Variants in CNTN4 observed in about 807,000 individuals in gnomAD.
CNTN4 encodes contactin 4.
A neutral mutation model predicts 122.5 loss-of-function variants in CNTN4; 77 were observed. The ratio of observed to expected loss-of-function variants is 0.63; its 90% CI spans 0.52 to 0.76. The LOEUF (loss-of-function observed/expected upper bound fraction) is 0.76. Among genes scored for constraint, CNTN4 ranks in the 30% least tolerant of loss-of-function variants. The probability of loss-of-function intolerance (pLI) is 0.00; values close to 1 mark genes in which losing one functional copy is unlikely to be tolerated. For missense variants in CNTN4, 1,256 were observed against 1,259.1 expected (o/e 1.00, Z 0.04); for synonymous variants, 512 against 447.0 (o/e 1.15, Z -1.83).
intron 2 of CNTN4, among the ~76,000 whole-genome samples, chr3:2,211,567 A>G (rs1344163354): frequency 6.6e-6 from 1 of 152,190 alleles, no homozygotes; most frequent in Non-Finnish European, 1.5e-5. Context: ...ATTTTCATAT[A>G]TAAGGCATTC....
intron 3 of CNTN4, among the ~76,000 whole-genome samples, chr3:2,559,016 G>A (rs974038120): frequency 6.6e-6 from 1 of 152,120 alleles, no homozygotes; most frequent in African/African-American, 2.4e-5. Context: ...GTGTTTGCCC[G>A]ATTTGGCCTA....
chr3:2,986,317 A>G (rs17024279), intron 13 of CNTN4, among the ~76,000 whole-genome samples: 9,086 of 152,264 alleles, frequency 0.06, 336 homozygotes, highest in African/African-American at 0.093. Flanking sequence ...CTTGCTATCA[A>G]TCTATAAGAT....
intron 6 of CNTN4, among the ~76,000 whole-genome samples, chr3:2,812,860 T>C (rs753802185): frequency 1.3e-5 from 2 of 152,220 alleles, no homozygotes; most frequent in Non-Finnish European, 2.9e-5. Flanking sequence ...ACCTACATCA[T>C]ACAGGTAGAA....
intron 3 of CNTN4, among the ~76,000 whole-genome samples, chr3:2,447,745 A>T (rs1005210766): frequency 6.6e-5 from 10 of 152,176 alleles, no homozygotes; most frequent in African/African-American, 2.4e-4. Flanking sequence ...TACATTATAC[A>T]TATCTATACT....
At chr3:2,822,528 T>C (rs2092899448) in intron 7 of CNTN4, among the ~76,000 whole-genome samples, 1 of 152,212 alleles carries the variant, frequency 6.6e-6, no homozygotes, top group Non-Finnish European at 1.5e-5. Context: ...CTCTTTTTAA[T>C]ATGGAATCTG....
chr3:2,310,115 A>G (rs1357574168), intron 2 of CNTN4, among the ~76,000 whole-genome samples: 3 of 140,502 alleles, frequency 2.1e-5, no homozygotes, highest in African/African-American at 8.5e-5. Context: ...AGCTGTTGGT[A>G]CCAGATGGAT....
chr3:3,044,051 A>G (rs1250980194), intron 23 of CNTN4, among the ~76,000 whole-genome samples: 1 of 152,150 alleles, frequency 6.6e-6, no homozygotes, highest in Admixed American at 6.5e-5. Context: ...TTTTTAGTCA[A>G]CTTAGTAGCC....
chr3:2,840,956 C>T (rs1174043081), intron 7 of CNTN4, among the ~76,000 whole-genome samples: 1 of 152,144 alleles, frequency 6.6e-6, no homozygotes, highest in Non-Finnish European at 1.5e-5. Flanking sequence ...AGAGGTGATG[C>T]TTCCTGTTTC....
chr3:2,481,331 TG>T (rs1296448030), intron 3 of CNTN4, among the ~76,000 whole-genome samples: 51 of 151,896 alleles, frequency 3.4e-4, no homozygotes, highest in Non-Finnish European at 1.5e-5. Flanking sequence ...AGTAGAGATG[TG>T]GTTTCACCAT....
At chr3:2,705,799 TTATATATAA>T (rs1196722503) in intron 4 of CNTN4, among the ~76,000 whole-genome samples, 1 of 100,454 alleles carries the variant, frequency 1.0e-5, no homozygotes, top group East Asian at 2.6e-4. Context: ...TATATATTTG[TTATATATAA>T]TATATATAAT....
intron 13 of CNTN4, among the ~76,000 whole-genome samples, chr3:2,931,083 A>G (rs1156578569): frequency 6.6e-6 from 1 of 152,154 alleles, no homozygotes; most frequent in Non-Finnish European, 1.5e-5. Context: ...TGCTACAGAA[A>G]AATTACTGTG....
In CNTN4 at chr3:2,310,299, G is replaced by A. The variant is rs567718317; in HGVS notation, c.-144-28879G>A. Among the ~76,000 whole-genome samples, 20 of 152,240 alleles carry A rather than the reference G, an allele frequency of 1.3e-4. No homozygotes were observed. The South Asian group carries it at 2.9e-3, about 22-fold the overall frequency. On this transcript the variant is annotated intron_variant, in intron 2 of 24. Coordinates refer to ENST00000418658, the MANE Select transcript of CNTN4 (RefSeq NM_175607.3). Reference sequence around the variant, plus strand: ...TCTATAAAATGAAAAGATTAGCCTTGATCATTTTTAAAGTCCCCCAGGCTA... The same window carrying A: ...TCTATAAAATGAAAAGATTAGCCTTAATCATTTTTAAAGTCCCCCAGGCTA...
chr3:2,790,644 A>G (rs2091979801), intron 6 of CNTN4, among the ~76,000 whole-genome samples: 1 of 152,106 alleles, frequency 6.6e-6, no homozygotes, highest in Non-Finnish European at 1.5e-5. Context: ...ATTTTCTGTG[A>G]GTGTTGCATG....
At chr3:2,215,039 A>G (rs1254689676) in intron 2 of CNTN4, among the ~76,000 whole-genome samples, 1 of 152,234 alleles carries the variant, frequency 6.6e-6, no homozygotes, top group Non-Finnish European at 1.5e-5. Context: ...GGTTCAGTTT[A>G]GTTACAGACG....
intron 4 of CNTN4, among the ~76,000 whole-genome samples, chr3:2,665,721 G>T (rs1005129874): frequency 1.3e-5 from 2 of 152,096 alleles, no homozygotes; most frequent in Admixed American, 6.6e-5. Context: ...GGAGACTTAG[G>T]TTACCCTCTC....
intron 3 of CNTN4, among the ~76,000 whole-genome samples, chr3:2,511,850 A>T (rs2149078135): frequency 6.6e-6 from 1 of 152,246 alleles, no homozygotes; most frequent in Non-Finnish European, 1.5e-5. Flanking sequence ...TTTCTGTTAA[A>T]TCTCTTATAT....
At chr3:2,128,250 A>C (rs796650770) in intron 2 of CNTN4, among the ~76,000 whole-genome samples, 1 of 152,200 alleles carries the variant, frequency 6.6e-6, no homozygotes, top group South Asian at 2.1e-4. Context: ...ACTGGTGAGC[A>C]TTTGGTGAAT....
intron 13 of CNTN4, among the ~76,000 whole-genome samples, chr3:2,949,766 G>A (rs993051156): frequency 6.6e-6 from 1 of 152,046 alleles, no homozygotes; most frequent in Non-Finnish European, 1.5e-5. Flanking sequence ...TCCCCATTTT[G>A]CATAATTTAA....
At chr3:2,179,182 G>A (rs758288310) in intron 2 of CNTN4, among the ~76,000 whole-genome samples, 1 of 152,038 alleles carries the variant, frequency 6.6e-6, no homozygotes, top group African/African-American at 2.4e-5. Flanking sequence ...TATGTTGAGA[G>A]TAATCATCAT....
Sources: allele counts gnomAD v4.1 joint callset (sites outside exome capture counted in the v4.1 genomes callset), GRCh38; gene constraint gnomAD v4.1.1; transcripts MANE v1.5; gene names NCBI Gene and HGNC (gene_info 2026-07-23, HGNC 2026-07-21).